Variants in TRIM71 observed in about 807,000 individuals in gnomAD.
TRIM71 encodes tripartite motif containing 71, also known as E3 ubiquitin-protein ligase TRIM71.
TRIM71 carries 9 observed loss-of-function variants against 61.2 expected under a neutral mutation model. That is an observed-to-expected ratio of 0.15 (90% CI 0.09 to 0.26). The LOEUF is 0.26. TRIM71 is among the 10% of genes least tolerant of loss of function. The probability of loss-of-function intolerance (pLI) is 1.00; values close to 1 mark genes in which losing one functional copy is unlikely to be tolerated. For synonymous variants in TRIM71, 645 were observed against 553.2 expected (o/e 1.17, Z -2.33); for missense variants, 998 against 1,238.7 (o/e 0.81, Z 2.92).
At chr3:32,881,650 A>G (rs1433400110) in intron 2 of TRIM71, among the ~76,000 whole-genome samples, 6 of 152,148 alleles carry the variant, frequency 3.9e-5, no homozygotes, top group African/African-American at 1.4e-4. Context: ...CTCAAGCACC[A>G]TGCTTGTTGG....
At chr3:32,861,706 A>C (rs938589440) in intron 1 of TRIM71, among the ~76,000 whole-genome samples, 1 of 152,176 alleles carries the variant, frequency 6.6e-6, no homozygotes, top group Non-Finnish European at 1.5e-5. Context: ...TAATTGCTGG[A>C]ATGTCGGGGG....
intron 1 of TRIM71, among the ~76,000 whole-genome samples, chr3:32,839,572 A>AG (rs1461592490): frequency 2.1e-5 from 3 of 145,566 alleles, no homozygotes; most frequent in Non-Finnish European, 4.4e-5. Context: ...GTCAAGCCCC[A>AG]GAACTTACAG....
At chr3:32,854,580 C>T (rs1490101988) in intron 1 of TRIM71, among the ~76,000 whole-genome samples, 1 of 152,196 alleles carries the variant, frequency 6.6e-6, no homozygotes, top group Non-Finnish European at 1.5e-5. Flanking sequence ...ATATCGTCTT[C>T]ATTCCCTAGG....
chr3:32,822,718 AAT>A (rs1696155461), intron 1 of TRIM71, among the ~76,000 whole-genome samples: 1 of 152,220 alleles, frequency 6.6e-6, no homozygotes, highest in African/African-American at 2.4e-5. Flanking sequence ...TTAAAAGCAT[AAT>A]ACAAATTTTC....
intron 1 of TRIM71, among the ~76,000 whole-genome samples, chr3:32,835,840 C>A (rs1696329002): frequency 6.6e-6 from 1 of 152,066 alleles, no homozygotes; most frequent in Non-Finnish European, 1.5e-5. Flanking sequence ...CGTCCCACTT[C>A]TTTCCAAAGT....
chr3:32,873,812 C>T lies in TRIM71; in HGVS notation c.853-6C>T. On this transcript the variant is annotated splice_region_variant and splice_polypyrimidine_tract_variant and intron_variant, in intron 1 of 3. Coordinates refer to ENST00000383763, the MANE Select transcript of TRIM71 (RefSeq NM_001039111.3). ...CATTTATGCCTGTACCCTCTCTTGT[C>T]CCCAGGTGCTGCACCTGTACTGTGA... The T allele has an allele frequency of 2.6e-6, 4 of 1,557,266 alleles. No homozygotes were observed. The highest frequency in any genetic ancestry group is 2.6e-6 in the Non-Finnish European group (3 of 1,144,336).
intron 2 of TRIM71, among the ~76,000 whole-genome samples, chr3:32,879,290 GT>G (rs1174250359): frequency 1.2e-4 from 19 of 152,332 alleles, no homozygotes; most frequent in Non-Finnish European, 2.8e-4. Flanking sequence ...CCTCATTGCT[GT>G]TTGAGTGTTC....
intron 1 of TRIM71, among the ~76,000 whole-genome samples, chr3:32,843,172 G>A (rs1235378304): frequency 6.6e-6 from 1 of 152,124 alleles, no homozygotes; most frequent in African/African-American, 2.4e-5. Context: ...AGAAATACAA[G>A]AGGGGCAGGG....
chr3:32,846,870 T>A (rs1241235227), intron 1 of TRIM71, among the ~76,000 whole-genome samples: 1 of 152,200 alleles, frequency 6.6e-6, no homozygotes, highest in African/African-American at 2.4e-5. Context: ...AGGATTTCCT[T>A]CCTTTTAAAG....
At chr3:32,829,449 T>C (rs1696240893) in intron 1 of TRIM71, among the ~76,000 whole-genome samples, 1 of 152,142 alleles carries the variant, frequency 6.6e-6, no homozygotes, top group Admixed American at 6.6e-5. Context: ...AGTGCTGGGA[T>C]TACAGGCGTG....
In TRIM71 at chr3:32,853,152, T is replaced by C. The variant is rs1696558369; in HGVS notation, c.853-20666T>C. 4.0e-5 allele frequency among the ~76,000 whole-genome samples: 6 copies of C among 148,908 alleles called. No individual in the cohort carries two copies. In the Admixed American group the frequency reaches 4.1e-4, roughly 10 times the overall value. ...TTTTTTTTTTGAGACAGTCTCACTC[T>C]GTCACCCAGGCTGTACTGCAGTGGC... On this transcript the variant is annotated intron_variant, in intron 1 of 3. Transcript: ENST00000383763.
intron 1 of TRIM71, among the ~76,000 whole-genome samples, chr3:32,871,343 C>T (rs1179827703): frequency 6.6e-6 from 1 of 152,168 alleles, no homozygotes; most frequent in African/African-American, 2.4e-5. Context: ...GCCATTCAGT[C>T]CACACAGCTG....
chr3:32,819,397 G>C (rs555588972), intron 1 of TRIM71, among the ~76,000 whole-genome samples: 19 of 152,172 alleles, frequency 1.2e-4, no homozygotes, highest in Non-Finnish European at 2.6e-4. Flanking sequence ...GCCCGGAAGA[G>C]ATGGTTGTGT....
At chr3:32,848,064 A>G (rs1028572883) in intron 1 of TRIM71, among the ~76,000 whole-genome samples, 5 of 152,176 alleles carry the variant, frequency 3.3e-5, no homozygotes, top group African/African-American at 4.8e-5. Context: ...TTGGTATCCA[A>G]GGGGGTCCTG....
chr3:32,873,934 A>C lies in TRIM71; in HGVS notation c.969A>C (p.Ala323=). The change falls in exon 2 of 4, where the codon GCA becomes GCC. Residue 323 remains alanine (A), a synonymous_variant. Transcript: ENST00000383763. Reference sequence around the variant, plus strand: ...AGGAGGCACTGCAGGACTCACGGGCACTCACCATCCAGCTGCTGGCAGATG... The same window carrying C: ...AGGAGGCACTGCAGGACTCACGGGCCCTCACCATCCAGCTGCTGGCAGATG... ...YLQEALQDSR[A]LTIQLLADAQ... is the part of the protein sequence containing the mutation. 6.2e-7 allele frequency: 1 copy of C among 1,613,636 alleles called. No individual in the cohort carries two copies. The highest frequency in any genetic ancestry group is 2.2e-5 in the East Asian group (1 of 44,874).
intron 2 of TRIM71, among the ~76,000 whole-genome samples, chr3:32,881,786 T>G (rs759018937): frequency 1.9e-4 from 29 of 152,182 alleles, no homozygotes; most frequent in Non-Finnish European, 3.8e-4. Context: ...CTGTTAGAGG[T>G]TGGGAACTAG....
Position 32,853,664 on chromosome 3 carries a change from T to G in TRIM71, c.853-20154T>G, listed in dbSNP as rs181466283. ...AGAAATGGAAGTTAAAAGTTTGTGC[T>G]GAGATAGCCCGTGGTAAGTTTGTCA... On this transcript the variant is annotated intron_variant, in intron 1 of 3. Transcript: ENST00000383763. Among the ~76,000 whole-genome samples the G allele has an allele frequency of 1.7e-3, 259 of 152,308 alleles. 2 individuals carry two copies. Among genetic ancestry groups the G allele is most frequent in the Non-Finnish European group, 1.4e-3 (93 of 68,022 alleles).
At chr3:32,821,031 T>G (rs1189751456) in intron 1 of TRIM71, among the ~76,000 whole-genome samples, 1 of 152,206 alleles carries the variant, frequency 6.6e-6, no homozygotes, top group Non-Finnish European at 1.5e-5. Context: ...GTGTTCTGAG[T>G]AGAAGACTAA....
intron 1 of TRIM71, among the ~76,000 whole-genome samples, chr3:32,835,159 T>G (rs766091337): frequency 6.6e-6 from 1 of 152,066 alleles, no homozygotes; most frequent in Non-Finnish European, 1.5e-5. Flanking sequence ...AGAGGTTGAG[T>G]TTCAGGCTCT....
Sources: allele counts gnomAD v4.1 joint callset (sites outside exome capture counted in the v4.1 genomes callset), GRCh38; gene constraint gnomAD v4.1.1; transcripts MANE v1.5; gene names NCBI Gene and HGNC (gene_info 2026-07-23, HGNC 2026-07-21).